Variants in GRAMD1B observed in about 807,000 individuals in gnomAD.
GRAMD1B encodes protein Aster-B.
A neutral mutation model predicts 99.7 loss-of-function variants in GRAMD1B; 37 were observed. That is an observed-to-expected ratio of 0.37 (90% CI 0.29 to 0.49). The LOEUF is 0.49. Ranked by LOEUF, GRAMD1B falls within the 20% of genes least tolerant of loss-of-function variation. The probability of loss-of-function intolerance (pLI) is 0.98; values close to 1 mark genes in which losing one functional copy is unlikely to be tolerated. For missense variants in GRAMD1B, 888 were observed against 1,009.2 expected, an observed-to-expected ratio of 0.88 and a Z score of 1.63; for synonymous variants, 427 against 387.6, an observed-to-expected ratio of 1.10 and a Z score of -1.19.
intron 2 of GRAMD1B, among the ~76,000 whole-genome samples, chr11:123,500,236 G>A (rs562995693): frequency 2.1e-4 from 32 of 152,250 alleles, no homozygotes; most frequent in Admixed American, 1.7e-3. Context: ...CAGGAGAATC[G>A]CTTGAACCCA....
At chr11:123,362,950 G>A (rs1946194866) in intron 1 of GRAMD1B, among the ~76,000 whole-genome samples, 1 of 152,074 alleles carries the variant, frequency 6.6e-6, no homozygotes, top group Non-Finnish European at 1.5e-5. Flanking sequence ...AAATGATGAG[G>A]GAGGGGAGGG....
intron 2 of GRAMD1B, among the ~76,000 whole-genome samples, chr11:123,515,395 C>T (rs1029345596): frequency 2.0e-5 from 3 of 152,178 alleles, no homozygotes; most frequent in South Asian, 2.1e-4. Context: ...AAACCTGAAA[C>T]GTATTGAGTG....
intron 1 of GRAMD1B, among the ~76,000 whole-genome samples, chr11:123,440,160 A>T (rs369046758): frequency 1.1e-3 from 162 of 152,352 alleles, no homozygotes; most frequent in Middle Eastern, 3.4e-3. Context: ...GAATCATTTT[A>T]AAAAATGTAG....
At chr11:123,394,122 T>C (rs573343078) in intron 1 of GRAMD1B, among the ~76,000 whole-genome samples, 1 of 152,238 alleles carries the variant, frequency 6.6e-6, no homozygotes, top group Non-Finnish European at 1.5e-5. Flanking sequence ...ATTTTGAGAA[T>C]GAAATGAGAT....
chr11:123,527,907 C>A (rs1480549466), intron 2 of GRAMD1B, among the ~76,000 whole-genome samples: 1 of 152,184 alleles, frequency 6.6e-6, no homozygotes, highest in Non-Finnish European at 1.5e-5. Flanking sequence ...TAAAAATCTG[C>A]CTTGAGCATC....
chr11:123,461,488 CCCTGGCTCTAGCTCTGGGAAGT>C (rs1950410272), intron 1 of GRAMD1B, among the ~76,000 whole-genome samples: 1 of 152,244 alleles, frequency 6.6e-6, no homozygotes, highest in Non-Finnish European at 1.5e-5. Context: ...GTCTCTCCAG[CCCTGGCTCTAGCTCTGGGAAGT>C]CCTGGCCTAT....
At chr11:123,599,779 G>A (rs1026276874) in intron 7 of GRAMD1B, among the ~76,000 whole-genome samples, 2 of 152,176 alleles carry the variant, frequency 1.3e-5, no homozygotes, top group Non-Finnish European at 2.9e-5. Context: ...TGCCTGGTTT[G>A]ACCTATATTT....
At chr11:123,527,158 T>C (rs1942864424) in intron 2 of GRAMD1B, among the ~76,000 whole-genome samples, 1 of 152,090 alleles carries the variant, frequency 6.6e-6, no homozygotes, top group East Asian at 1.9e-4. Context: ...CTGCCTTCAT[T>C]GCGGCTGGCT....
Position 123,457,117 on chromosome 11 carries a change from A to AGAAAGAAAGAAAGAAAGAAAGAAAGAAAG in GRAMD1B, c.375-23699_375-23698insGAAAGAAAGAAAGAAAGAAAGAAAGAAAG. Among the ~76,000 whole-genome samples the AGAAAGAAAGAAAGAAAGAAAGAAAGAAAG allele has an allele frequency of 4.2e-3, 418 of 99,170 alleles. 11 individuals are homozygous for AGAAAGAAAGAAAGAAAGAAAGAAAGAAAG. Among genetic ancestry groups the AGAAAGAAAGAAAGAAAGAAAGAAAGAAAG allele is most frequent in the Middle Eastern group, 0.01 (2 of 192 alleles). The allele number at this position is 99,170 out of a possible 152,430, so 65.1% of individuals were successfully genotyped here. A position where few individuals can be genotyped will look rare whatever the true frequency, so the allele number is the denominator to read the frequency against. Reference sequence around the variant, plus strand: ...ACAGAGAGAGACCCTTTCTGAGAAAAAAAGAAAGAAAGAAAGAAAGAATTA... The same window carrying AGAAAGAAAGAAAGAAAGAAAGAAAGAAAG: ...ACAGAGAGAGACCCTTTCTGAGAAAAGAAAGAAAGAAAGAAAGAAAGAAAGAAAGAAAGAAAGAAAGAAAGAAAGAATTA... On this transcript the variant is annotated intron_variant, in intron 1 of 19. Transcript: ENST00000635736.
chr11:123,584,368 G>A, intron 4 of GRAMD1B, 36 bp downstream of exon 4: 1 of 552,068 alleles, frequency 1.8e-6, no homozygotes, highest in Non-Finnish European at 2.5e-6. Flanking sequence ...TTGGGTACCT[G>A]AGAAATGGGA....
intron 1 of GRAMD1B, among the ~76,000 whole-genome samples, chr11:123,470,470 C>T (rs1476148108): frequency 6.6e-6 from 1 of 151,614 alleles, no homozygotes; most frequent in Non-Finnish European, 1.5e-5. Context: ...CAGGCATGAG[C>T]AACCATGCCC....
At chr11:123,511,652 G>A (rs922891024) in intron 2 of GRAMD1B, among the ~76,000 whole-genome samples, 5 of 152,138 alleles carry the variant, frequency 3.3e-5, no homozygotes, top group African/African-American at 1.2e-4. Flanking sequence ...TTTTTGGCCA[G>A]ATGGCAGGGT....
chr11:123,455,001 G>A (rs1435658213), intron 1 of GRAMD1B, among the ~76,000 whole-genome samples: 1 of 152,166 alleles, frequency 6.6e-6, no homozygotes, highest in Admixed American at 6.5e-5. Context: ...TCTGAAGGAT[G>A]TTTTATGAGC....
intron 4 of GRAMD1B, among the ~76,000 whole-genome samples, chr11:123,586,830 G>A (rs1950126287): frequency 6.6e-6 from 1 of 152,208 alleles, no homozygotes; most frequent in Non-Finnish European, 1.5e-5. Context: ...TTTGCTGACT[G>A]TCCCTCTATA....
At chr11:123,434,801 A>C (rs1284418044) in intron 1 of GRAMD1B, among the ~76,000 whole-genome samples, 1 of 152,226 alleles carries the variant, frequency 6.6e-6, no homozygotes, top group Non-Finnish European at 1.5e-5. Flanking sequence ...AAGAAAATAG[A>C]ATTGGCATTT....
chr11:123,479,241 G>A (rs1951459796), intron 1 of GRAMD1B, among the ~76,000 whole-genome samples: 3 of 152,210 alleles, frequency 2.0e-5, no homozygotes, highest in Admixed American at 2.0e-4. Flanking sequence ...TTGTGTCTGT[G>A]TTTGAAAATT....
At chr11:123,425,948 T>A (rs1948632485), upstream of GRAMD1B, among the ~76,000 whole-genome samples, 1 of 152,186 alleles carries the variant, frequency 6.6e-6, no homozygotes, top group South Asian at 2.1e-4. Context: ...CAATTCTTTC[T>A]CCTGTCTTCA....
At chr11:123,442,193 C>A (rs1479407676) in intron 1 of GRAMD1B, among the ~76,000 whole-genome samples, 1 of 152,164 alleles carries the variant, frequency 6.6e-6, no homozygotes, top group Non-Finnish European at 1.5e-5. Context: ...AGGGCTCAGT[C>A]CTCTAAGATT....
At chr11:123,608,544 C>T in intron 11 of GRAMD1B, 115 bp from the exon 12 acceptor site, 1 of 1,545,562 alleles carries the variant, frequency 6.5e-7, no homozygotes, top group South Asian at 1.2e-5. Flanking sequence ...CCTCTCCATA[C>T]CCTTGTTGAC....
Sources: gnomAD v4.1 joint callset for allele counts (sites outside exome capture counted in the v4.1 genomes callset) on GRCh38, gnomAD v4.1.1 for gene constraint, MANE v1.5 for transcripts, NCBI Gene and HGNC (gene_info 2026-07-23, HGNC 2026-07-21) for gene names.